LAMB1: variants seen among roughly 807,000 people sequenced by gnomAD.
The protein encoded by LAMB1 is laminin subunit beta-1.
LAMB1 carries 121 observed loss-of-function variants against 222.3 expected under a neutral mutation model. That is an observed-to-expected ratio of 0.54 (90% CI 0.47 to 0.63). The LOEUF (loss-of-function observed/expected upper bound fraction) is 0.63, where lower values mean the gene tolerates loss of function less well. Among genes scored for constraint, LAMB1 ranks in the 30% least tolerant of loss-of-function variants. LAMB1 has a pLI of 0.00. For synonymous variants in LAMB1, 794 were observed against 807.2 expected, an observed-to-expected ratio of 0.98 and a Z score of 0.28; for missense variants, 2,172 against 2,240.8, an observed-to-expected ratio of 0.97 and a Z score of 0.62.
At chr7:107,988,174 T>C (rs756993606) in intron 5 of LAMB1, among the ~76,000 whole-genome samples, 30 of 152,188 alleles carry the variant, frequency 2.0e-4, no homozygotes, top group Non-Finnish European at 4.0e-4. Context: ...AATTAGATTG[T>C]AGTGGAAAAG....
chr7:107,968,505 C>T (rs1036307843), intron 13 of LAMB1, among the ~76,000 whole-genome samples: 16 of 152,048 alleles, frequency 1.1e-4, no homozygotes, highest in East Asian at 1.9e-4. Context: ...CAAGATGGAG[C>T]GATTATTGGA....
chr7:107,924,498 G>C (rs1469315210), intron 32 of LAMB1, 109 bp from the exon 33 acceptor site: 3 of 711,920 alleles, frequency 4.2e-6, no homozygotes, highest in East Asian at 6.2e-5. Context: ...GGCCACCAAG[G>C]ATATTCACTG....
chr7:107,933,425 C>CTA (rs925610309), intron 27 of LAMB1, among the ~76,000 whole-genome samples: 1 of 152,038 alleles, frequency 6.6e-6, no homozygotes, highest in African/African-American at 2.4e-5. Flanking sequence ...CAAATTACAA[C>CTA]TAAATAAGTC....
intron 8 of LAMB1, among the ~76,000 whole-genome samples, chr7:107,979,384 A>G (rs957308046): frequency 5.9e-5 from 9 of 152,220 alleles, no homozygotes; most frequent in African/African-American, 1.7e-4. Context: ...GCAACAGCAC[A>G]TAAGCACAGC....
chr7:107,991,359 A>T (rs1460835752), intron 5 of LAMB1, among the ~76,000 whole-genome samples: 1 of 152,108 alleles, frequency 6.6e-6, no homozygotes, highest in Non-Finnish European at 1.5e-5. Context: ...AGGCAGAGGC[A>T]GGTGGATCAC....
intron 23 of LAMB1, among the ~76,000 whole-genome samples, chr7:107,951,660 AAC>A (rs1554405555): frequency 1.4e-5 from 2 of 141,382 alleles, no homozygotes; most frequent in Admixed American, 1.4e-4. Flanking sequence ...GTCAGGAAAC[AAC>A]AGCACTTTTT....
chr7:107,945,616 G>A (rs1009005759), intron 24 of LAMB1, among the ~76,000 whole-genome samples: 4 of 152,194 alleles, frequency 2.6e-5, no homozygotes, highest in African/African-American at 9.7e-5. Flanking sequence ...GGAAACAGCT[G>A]GGACACAGGG....
chr7:107,955,360 AAGT>A, intron 21 of LAMB1, 104 bp downstream of exon 21: 1 of 978,416 alleles, frequency 1.0e-6, no homozygotes, highest in Middle Eastern at 2.2e-4. Flanking sequence ...AAAATTATAA[AAGT>A]AGACTTAATT....
intron 22 of LAMB1, among the ~76,000 whole-genome samples, chr7:107,953,228 G>A (rs758098471): frequency 6.6e-6 from 1 of 152,004 alleles, no homozygotes. Flanking sequence ...ATGGTGGGGG[G>A]TGCCTGCAAT....
Position 107,937,144 on chromosome 7 carries a change from C to T in LAMB1, c.3895G>A (p.Val1299Met), listed in dbSNP as rs567605940. ...QTEAESLDNT[V>M]KELAEQLEFI... ...TCCAGTTGTTCAGCAAGTTCTTTCA[C>T]AGTGTTGTCTAGGCTTTCGGCTTCT... The change falls in exon 26 of 34, where the codon GTG becomes ATG. Residue 1299 changes from valine to methionine, a missense_variant. Physicochemically the swap from Val to Met is conservative, Grantham distance 21 (BLOSUM62 1). Transcript: ENST00000222399. The T allele has an allele frequency of 6.8e-6, 11 of 1,614,010 alleles. No homozygotes were observed. In the Admixed American group the frequency reaches 1.2e-4, roughly 17 times the overall value.
At chr7:107,935,276 T>G in intron 27 of LAMB1, 139 bp downstream of exon 27, 1 of 1,307,002 alleles carries the variant, frequency 7.7e-7, no homozygotes, top group Non-Finnish European at 1.0e-6. Flanking sequence ...GACCTCAGCC[T>G]AGGAGTTTCA....
intron 27 of LAMB1, among the ~76,000 whole-genome samples, chr7:107,933,870 C>T (rs1247798572): frequency 1.3e-5 from 2 of 152,206 alleles, no homozygotes; most frequent in East Asian, 3.8e-4. Context: ...CCGAACCCCA[C>T]CCACCGCCCA....
chr7:108,001,987 C>T (rs2034396887), intron 2 of LAMB1: 1 of 1,444,726 alleles, frequency 6.9e-7, no homozygotes, highest in Non-Finnish European at 9.1e-7. Context: ...GCCTCCCTCC[C>T]GGGAAACCCA....
chr7:107,969,975 C>T (rs1352009862), intron 13 of LAMB1, among the ~76,000 whole-genome samples: 4 of 152,174 alleles, frequency 2.6e-5, no homozygotes, highest in South Asian at 2.1e-4. Context: ...TACTAACTTC[C>T]GTTCTGGATT....
chr7:107,930,672 A>C (rs1265381425), intron 29 of LAMB1, among the ~76,000 whole-genome samples: 2 of 152,202 alleles, frequency 1.3e-5, no homozygotes, highest in African/African-American at 2.4e-5. Context: ...AAAAGATGCA[A>C]GGAATAGGTG....
intron 20 of LAMB1, among the ~76,000 whole-genome samples, chr7:107,959,039 G>T (rs1459115567): frequency 1.3e-5 from 2 of 152,290 alleles, no homozygotes; most frequent in East Asian, 3.9e-4. Context: ...GTTCTCTGCG[G>T]TATCTCCAGC....
intron 7 of LAMB1, 66 bp downstream of exon 7, chr7:107,985,956 T>C: frequency 7.7e-7 from 1 of 1,306,964 alleles, no homozygotes; most frequent in Non-Finnish European, 1.1e-6. Context: ...GAACTCTGTC[T>C]CAAAAAACAA....
At chr7:107,935,347 G>GCTTTTTTTTT in intron 27 of LAMB1, 68 bp downstream of exon 27, 1 of 1,171,424 alleles carries the variant, frequency 8.5e-7, no homozygotes, top group Non-Finnish European at 1.1e-6. Context: ...GTTTTTCTTT[G>GCTTTTTTTTT]TTTTTTTTTT....
At position 107,960,646 on chromosome 7, in the gene LAMB1, C is replaced by G. The variant is rs34150332; in HGVS notation, c.2113G>C (p.Val705Leu). The change falls in exon 18 of 34, where the codon GTT becomes CTT. Residue 705 changes from valine to leucine, a missense_variant. By Grantham distance (32) the Val-to-Leu change is conservative. Coordinates refer to ENST00000222399, the MANE Select transcript of LAMB1 (RefSeq NM_002291.3). ...ESPYTLIDSL[V>L]LMPYCKSLDI... ...AGTGATTTACAGTATGGCATGAGAACAAGCTGTGAAGAAATGAGAACGGCC... is the reference window on the plus strand; with the variant it reads ...AGTGATTTACAGTATGGCATGAGAAGAAGCTGTGAAGAAATGAGAACGGCC... The G allele has an allele frequency of 5.0e-4, 802 of 1,614,106 alleles. 4 individuals carry two copies. In the African/African-American group the frequency reaches 9.6e-3, roughly 19 times the overall value.
Sources: gnomAD v4.1 joint callset for allele counts (sites outside exome capture counted in the v4.1 genomes callset) on GRCh38, gnomAD v4.1.1 for gene constraint, MANE v1.5 for transcripts, NCBI Gene and HGNC (gene_info 2026-07-23, HGNC 2026-07-21) for gene names.